The following RASGRF2 variants were observed in gnomAD, a reference collection of about 807,000 sequenced individuals.
The protein encoded by RASGRF2 is Ras protein specific guanine nucleotide releasing factor 2.
Under a neutral mutation model 151.0 loss-of-function variants are expected in RASGRF2, and 76 were observed. That is an observed-to-expected ratio of 0.50 (90% CI 0.42 to 0.61). The LOEUF (loss-of-function observed/expected upper bound fraction) is 0.61, where lower values mean the gene tolerates loss of function less well. RASGRF2 is among the 20% of genes least tolerant of loss of function. The pLI is 0.00. For synonymous variants in RASGRF2, 504 were observed against 566.5 expected (o/e 0.89, Z 1.57); for missense variants, 1,148 against 1,564.6 (o/e 0.73, Z 4.49).
chr5:81,018,378 AT>A (rs1749710411), intron 1 of RASGRF2, among the ~76,000 whole-genome samples: 1 of 152,026 alleles, frequency 6.6e-6, no homozygotes, highest in East Asian at 1.9e-4. Context: ...TCTCTCTCCC[AT>A]TTGCTATCCT....
chr5:81,072,589 T>C (rs1400183210), intron 4 of RASGRF2, among the ~76,000 whole-genome samples: 2 of 152,230 alleles, frequency 1.3e-5, no homozygotes, highest in African/African-American at 4.8e-5. Context: ...TTAATTATGT[T>C]ATAATTTTTT....
At chr5:81,071,977 A>T (rs2112460547) in intron 4 of RASGRF2, among the ~76,000 whole-genome samples, 1 of 152,314 alleles carries the variant, frequency 6.6e-6, no homozygotes, top group African/African-American at 2.4e-5. Flanking sequence ...TAAAATTTTA[A>T]AAATATTTTT....
At chr5:81,080,518 A>C (rs1752056761) in intron 6 of RASGRF2, 78 bp from the exon 7 acceptor site, 1 of 1,412,474 alleles carries the variant, frequency 7.1e-7, no homozygotes, top group African/African-American at 1.4e-5. Context: ...GCTGGGACCC[A>C]CTCTTTGCCA....
At chr5:81,017,373 G>T (rs1580208333) in intron 1 of RASGRF2, among the ~76,000 whole-genome samples, 2 of 152,222 alleles carry the variant, frequency 1.3e-5, no homozygotes, top group East Asian at 3.8e-4. Flanking sequence ...AGAGAATCCT[G>T]ATGTCTGCTT....
intron 2 of RASGRF2, among the ~76,000 whole-genome samples, chr5:81,057,069 G>C (rs1007479492): frequency 1.3e-5 from 2 of 152,128 alleles, no homozygotes; most frequent in Admixed American, 6.6e-5. Flanking sequence ...ACACTGATGC[G>C]TGTTGACTCT....
At chr5:81,006,004 T>C (rs1749257415) in intron 1 of RASGRF2, among the ~76,000 whole-genome samples, 2 of 152,332 alleles carry the variant, frequency 1.3e-5, no homozygotes, top group South Asian at 4.1e-4. Context: ...AGTTCAAATG[T>C]TCCAAGTTCA....
At chr5:81,143,290 G>A (rs1753926818) in intron 17 of RASGRF2, among the ~76,000 whole-genome samples, 1 of 151,868 alleles carries the variant, frequency 6.6e-6, no homozygotes, top group African/African-American at 2.4e-5. Flanking sequence ...TGGGATTACA[G>A]GCGCATGCTA....
chr5:80,987,594 A>G (rs1320922632), intron 1 of RASGRF2, among the ~76,000 whole-genome samples: 1 of 152,202 alleles, frequency 6.6e-6, no homozygotes, highest in Non-Finnish European at 1.5e-5. Context: ...GGGAGAGCAG[A>G]CAAGGGAGGG....
chr5:81,143,946 A>C (rs2112606450), intron 17 of RASGRF2, among the ~76,000 whole-genome samples: 1 of 152,208 alleles, frequency 6.6e-6, no homozygotes. Context: ...GGTTATTTGA[A>C]TCTTTATAAT....
intron 17 of RASGRF2, among the ~76,000 whole-genome samples, chr5:81,131,781 A>G (rs1411386925): frequency 1.3e-5 from 2 of 151,770 alleles, no homozygotes; most frequent in Non-Finnish European, 2.9e-5. Context: ...AGTCACTGCT[A>G]TCCAGAGAAT....
At chr5:81,014,458 G>C (rs900952888) in intron 1 of RASGRF2, among the ~76,000 whole-genome samples, 2 of 152,058 alleles carry the variant, frequency 1.3e-5, no homozygotes, top group Admixed American at 1.3e-4. Context: ...ATCAGATCTC[G>C]CGAAACTTAT....
chr5:81,146,997 A>G (rs1754021951), intron 17 of RASGRF2, among the ~76,000 whole-genome samples: 1 of 152,216 alleles, frequency 6.6e-6, no homozygotes, highest in Non-Finnish European at 1.5e-5. Flanking sequence ...CAAGAGTAGA[A>G]GGCATTGCTT....
At chr5:81,049,623 C>T (rs1251939871) in intron 2 of RASGRF2, among the ~76,000 whole-genome samples, 1 of 152,144 alleles carries the variant, frequency 6.6e-6, no homozygotes, top group African/African-American at 2.4e-5. Context: ...ATCCATTCCC[C>T]AGACTTAGGT....
At chr5:81,010,853 T>C (rs1413006512) in intron 1 of RASGRF2, among the ~76,000 whole-genome samples, 2 of 152,246 alleles carry the variant, frequency 1.3e-5, no homozygotes, top group African/African-American at 4.8e-5. Flanking sequence ...ATGTGCTTCA[T>C]GTTCTTTTAT....
chr5:81,097,663 A>C (rs1332624280), intron 12 of RASGRF2, among the ~76,000 whole-genome samples: 1 of 152,150 alleles, frequency 6.6e-6, no homozygotes, highest in Non-Finnish European at 1.5e-5. Flanking sequence ...TACCGTGTGA[A>C]TATGTGATGC....
chr5:81,043,042 C>A, intron 2 of RASGRF2, 59 bp downstream of exon 2: 1 of 1,316,666 alleles, frequency 7.6e-7, no homozygotes, highest in Non-Finnish European at 1.1e-6. Context: ...TTGGGGTTAT[C>A]ACTGTTGGTG....
chr5:81,209,616 A>G (rs1392567194), intron 22 of RASGRF2, among the ~76,000 whole-genome samples: 1 of 152,192 alleles, frequency 6.6e-6, no homozygotes, highest in Non-Finnish European at 1.5e-5. Flanking sequence ...TGCTGCCTAA[A>G]GGACAAGGGC....
chr5:80,962,610 A>ATT (rs1255061650), intron 1 of RASGRF2, among the ~76,000 whole-genome samples: 1 of 143,802 alleles, frequency 7.0e-6, no homozygotes. Flanking sequence ...ACCACTTTTG[A>ATT]TTTTTTTTTT....
In RASGRF2 at chr5:80,995,692, C is replaced by G. The variant is rs200403007; in HGVS notation, c.288+34666C>G. On this transcript the variant is annotated intron_variant, in intron 1 of 26. Transcript: ENST00000265080. ...TGTTTCTTTCCTTTCCTTCCCCCCC[C>G]CTTTTTTTTTTTTTTTTTGAGATGG... Among the ~76,000 whole-genome samples the G allele has an allele frequency of 4.8e-4, 59 of 121,962 alleles. 2 individuals carry two copies. The highest frequency in any genetic ancestry group is 1.6e-3 in the African/African-American group (52 of 32,928). The allele number at this position is 121,962 out of a possible 152,430, so 80.0% of individuals were successfully genotyped here. A position where few individuals can be genotyped will look rare whatever the true frequency, so the allele number is the denominator to read the frequency against.
Sources: allele counts gnomAD v4.1 joint callset (sites outside exome capture counted in the v4.1 genomes callset), GRCh38; gene constraint gnomAD v4.1.1; transcripts MANE v1.5; gene names NCBI Gene and HGNC (gene_info 2026-07-23, HGNC 2026-07-21).